IQGAP1: variants seen among roughly 807,000 people sequenced by gnomAD.
IQGAP1 encodes the protein ras GTPase-activating-like protein IQGAP1.
IQGAP1 carries 66 observed loss-of-function variants against 215.6 expected under a neutral mutation model. The observed-to-expected ratio is 0.31, with a 90% CI of 0.25 to 0.38. IQGAP1 has a LOEUF of 0.38. Ranked by LOEUF, IQGAP1 falls within the 10% of genes least tolerant of loss-of-function variation. The pLI is 1.00. For missense variants in IQGAP1, 1,712 were observed against 1,997.1 expected, an observed-to-expected ratio of 0.86 and a Z score of 2.72; for synonymous variants, 772 against 728.7, an observed-to-expected ratio of 1.06 and a Z score of -0.96.
chr15:90,476,608 C>G, intron 23 of IQGAP1, 55 bp from the exon 24 acceptor site: 2 of 1,391,472 alleles, frequency 1.4e-6, no homozygotes, highest in Non-Finnish European at 1.9e-6. Flanking sequence ...TTCCTCAATG[C>G]CCAGAGGTTC....
intron 15 of IQGAP1, among the ~76,000 whole-genome samples, chr15:90,460,418 C>T (rs1232362319): frequency 1.3e-5 from 2 of 151,900 alleles, no homozygotes; most frequent in Admixed American, 6.6e-5. Context: ...TCTTGTTTGC[C>T]TAAACTGTTA....
chr15:90,485,091 T>C (rs1596290828), intron 30 of IQGAP1, among the ~76,000 whole-genome samples: 1 of 152,238 alleles, frequency 6.6e-6, no homozygotes, highest in East Asian at 1.9e-4. Flanking sequence ...CCTTGGAAGC[T>C]GGAGCTCCAT....
chr15:90,478,338 A>G (rs1966009590), intron 26 of IQGAP1, among the ~76,000 whole-genome samples: 1 of 152,178 alleles, frequency 6.6e-6, no homozygotes, highest in Admixed American at 6.5e-5. Context: ...TTGTTGACCT[A>G]GTAATAAATT....
At chr15:90,388,483 G>C (rs1385119532) in intron 1 of IQGAP1, 87 bp downstream of exon 1, 3 of 1,148,444 alleles carry the variant, frequency 2.6e-6, no homozygotes, top group Non-Finnish European at 2.3e-6. Flanking sequence ...GGCCGGGCGG[G>C]TGGGGCAGGG....
chr15:90,440,673 T>TC, intron 7 of IQGAP1, 58 bp downstream of exon 7: 1 of 1,082,216 alleles, frequency 9.2e-7, no homozygotes, highest in Non-Finnish European at 1.4e-6. Flanking sequence ...TTTCCAATAA[T>TC]TAATTCTATA....
At chr15:90,464,679 T>C (rs1965806350) in intron 15 of IQGAP1, among the ~76,000 whole-genome samples, 1 of 151,782 alleles carries the variant, frequency 6.6e-6, no homozygotes, top group Non-Finnish European at 1.5e-5. Context: ...TGAAACCCCG[T>C]CTCTACTAAA....
intron 2 of IQGAP1, among the ~76,000 whole-genome samples, chr15:90,397,377 G>GT (rs1033536115): frequency 6.6e-6 from 1 of 152,124 alleles, no homozygotes; most frequent in Non-Finnish European, 1.5e-5. Flanking sequence ...TCTGATTCTG[G>GT]TTTTGCAAGT....
intron 2 of IQGAP1, among the ~76,000 whole-genome samples, chr15:90,409,235 C>CTTTTT (rs138296381): frequency 8.4e-6 from 1 of 118,450 alleles, no homozygotes; most frequent in Non-Finnish European, 1.7e-5. Flanking sequence ...CCTATATTCA[C>CTTTTT]TTTTTTTTTT....
intron 2 of IQGAP1, among the ~76,000 whole-genome samples, chr15:90,397,421 C>A (rs1283353410): frequency 1.3e-5 from 2 of 151,518 alleles, no homozygotes; most frequent in Non-Finnish European, 2.9e-5. Context: ...CAAATTTGTC[C>A]TTTGCAGAAT....
intron 9 of IQGAP1, among the ~76,000 whole-genome samples, chr15:90,444,926 C>T (rs1965505503): frequency 6.6e-6 from 1 of 152,134 alleles, no homozygotes; most frequent in African/African-American, 2.4e-5. Context: ...GGTTTGAGAC[C>T]AGCCTGGGCA....
chr15:90,472,855 G>T lies in IQGAP1; in HGVS notation c.2194G>T (p.Val732Leu). The T allele has an allele frequency of 6.2e-7, 1 of 1,611,316 alleles. No individual in the cohort carries two copies. The highest frequency in any genetic ancestry group is 8.5e-7 in the Non-Finnish European group (1 of 1,178,378). ...REEIQSSISG[V>L]TAAYNREQLW... Reference sequence around the variant, plus strand: ...GCTTTTTCAGAGTTCTATCTCTGGGGTGACTGCCGCATATAACCGAGAACA... The same window carrying T: ...GCTTTTTCAGAGTTCTATCTCTGGGTTGACTGCCGCATATAACCGAGAACA... The change falls in exon 19 of 38, where the codon GTG becomes TTG. Residue 732 changes from valine (V) to leucine (L), a missense_variant. This residue lies in a region of IQGAP1 where 1,021 missense variants were observed against 1,074.2 expected (regional missense o/e 0.95). Transcript: ENST00000268182.
At chr15:90,456,369 A>G in intron 15 of IQGAP1, 54 bp downstream of exon 15, 2 of 1,566,278 alleles carry the variant, frequency 1.3e-6, no homozygotes, top group Non-Finnish European at 8.7e-7. Context: ...CCCTCCTAGA[A>G]CAAAGGTAGA....
In IQGAP1 at chr15:90,487,536, G is replaced by C. The variant is rs1966143836; in HGVS notation, c.4202G>C (p.Gly1401Ala). The C allele has an allele frequency of 1.9e-6, 3 of 1,614,026 alleles. No individual in the cohort carries two copies. The African/African-American group carries it at 4.0e-5, about 22-fold the overall frequency. Reference sequence around the variant, plus strand: ...GTGGATGTCATCCGGTTCCAGCCAGGAGAGACCTTGACTGAAATCCTAGAA... The same window carrying C: ...GTGGATGTCATCCGGTTCCAGCCAGCAGAGACCTTGACTGAAATCCTAGAA... ...LIVDVIRFQP[G>A]ETLTEILETP... is the part of the protein sequence containing the mutation. The change falls in exon 33 of 38, where the codon GGA becomes GCA. Residue 1401 changes from glycine (G) to alanine (A), a missense_variant. Physicochemically the swap from Gly to Ala is moderately conservative, Grantham distance 60. Coordinates refer to ENST00000268182, the MANE Select transcript of IQGAP1 (RefSeq NM_003870.4).
Position 90,467,576 on chromosome 15 carries a change from C to A in IQGAP1, c.2162C>A (p.Ser721Tyr). The A allele has an allele frequency of 6.2e-7, 1 of 1,610,144 alleles. No homozygotes were observed. The highest frequency in any genetic ancestry group is 1.7e-5 in the Admixed American group (1 of 59,278). The change falls in exon 18 of 38, where the codon TCT becomes TAT. Residue 721 changes from serine (S) to tyrosine (Y), a missense_variant. By Grantham distance (144) the Ser-to-Tyr change is moderately radical (BLOSUM62 -2). Transcript: ENST00000268182. ...PNFVQNSMQL[S>Y]REEIQSSISG... ...TTTGTGCAAAATTCTATGCAGCTTT[C>A]TCGGGAGGAGATCCAGGTAGGTTAC...
At chr15:90,402,515 G>A (rs879329547) in intron 2 of IQGAP1, among the ~76,000 whole-genome samples, 1 of 152,228 alleles carries the variant, frequency 6.6e-6, no homozygotes, top group Admixed American at 6.5e-5. Flanking sequence ...CTAGGGCTTG[G>A]CTTCTGTTGG....
chr15:90,395,212 G>A (rs1964695962), intron 2 of IQGAP1, among the ~76,000 whole-genome samples: 1 of 152,122 alleles, frequency 6.6e-6, no homozygotes, highest in South Asian at 2.1e-4. Context: ...AATAGATCAA[G>A]GATACATCTT....
intron 2 of IQGAP1, among the ~76,000 whole-genome samples, chr15:90,410,954 A>C (rs530220330): frequency 3.0e-4 from 45 of 152,154 alleles, no homozygotes; most frequent in African/African-American, 1.1e-3. Flanking sequence ...TGTCCCATGG[A>C]AATTTTTCTA....
intron 2 of IQGAP1, among the ~76,000 whole-genome samples, chr15:90,408,818 G>T (rs1368783081): frequency 3.9e-5 from 6 of 152,026 alleles, no homozygotes; most frequent in Non-Finnish European, 8.8e-5. Context: ...TAGAGAAAGG[G>T]TCTTGCTCTC....
At chr15:90,480,242 G>T (rs913780105) in intron 26 of IQGAP1, among the ~76,000 whole-genome samples, 6 of 147,198 alleles carry the variant, frequency 4.1e-5, no homozygotes, top group Non-Finnish European at 9.0e-5. Context: ...AAAAAAAAAA[G>T]GAAATTGATT....
Sources: gnomAD v4.1 joint callset for allele counts (sites outside exome capture counted in the v4.1 genomes callset) on GRCh38, gnomAD v4.1.1 for gene constraint, gnomAD v4.1.1 regional missense constraint, MANE v1.5 for transcripts, NCBI Gene and HGNC (gene_info 2026-07-23, HGNC 2026-07-21) for gene names.